Variants in ASGR1 observed in about 807,000 individuals in gnomAD.
ASGR1 encodes C-type lectin domain family 4 member H1.
Under a neutral mutation model 33.1 loss-of-function variants are expected in ASGR1, and 35 were observed. That is an observed-to-expected ratio of 1.06 (90% CI 0.81 to 1.40). The LOEUF is 1.40. Among genes scored for constraint, ASGR1 ranks in the 40% most tolerant of loss-of-function variants. The pLI is 0.00. For synonymous variants in ASGR1, 142 were observed against 152.5 expected (o/e 0.93, Z 0.51); for missense variants, 396 against 373.7 (o/e 1.06, Z -0.49).
At chr17:7,176,650 A>G in intron 5 of ASGR1, 180 bp downstream of exon 5, 1 of 773,682 alleles carries the variant, frequency 1.3e-6, no homozygotes. Flanking sequence ...ACATCCACAC[A>G]AGGCTCTCAT....
chr17:7,176,833 C>T lies in ASGR1; in HGVS notation c.352G>A (p.Glu118Lys), dbSNP rs1169494948. The stretch of plus-strand genomic sequence containing the variant: ...ACACACACACTCCCTCTCTGACCTT[C>T]ACTCAGGTCCTTCTGCTGTTTCTCC... ...QLEKQQKDLS[E>K]DHSSLLLHVK... The change falls in exon 5 of 9, where the codon GAA (glutamate) becomes AAA (lysine). Residue 118 changes from glutamate (E) to lysine (K), a missense_variant. Coordinates refer to ENST00000269299, the MANE Select transcript of ASGR1 (RefSeq NM_001671.5). 9 of 1,612,596 alleles carry T rather than the reference C, an allele frequency of 5.6e-6. No homozygotes were observed. Among genetic ancestry groups the T allele is most frequent in the Non-Finnish European group, 7.6e-6 (9 of 1,179,984 alleles).
chr17:7,176,787 C>G (rs199798005), intron 5 of ASGR1, 43 bp downstream of exon 5: 101 of 1,580,034 alleles, frequency 6.4e-5, no homozygotes, highest in Non-Finnish European at 8.2e-5. Flanking sequence ...CATTCTCACT[C>G]TCTTTCACAC....
At chr17:7,176,745 C>A in intron 5 of ASGR1, 85 bp downstream of exon 5, 1 of 1,560,750 alleles carries the variant, frequency 6.4e-7, no homozygotes, top group Non-Finnish European at 8.7e-7. Flanking sequence ...CACACATCCA[C>A]ACACACTCAC....
intron 5 of ASGR1, chr17:7,176,522 C>CTG: frequency 2.1e-6 from 1 of 477,726 alleles, no homozygotes; most frequent in African/African-American, 2.7e-5. Context: ...CACCCCCTCT[C>CTG]ATTCCCACAC....
intron 2 of ASGR1, chr17:7,178,183 C>A (rs1244036065): frequency 5.0e-6 from 2 of 399,904 alleles, no homozygotes; most frequent in Admixed American, 3.5e-5. Context: ...GAAGAGGGGG[C>A]GTGACTTCGT....
At chr17:7,178,337 T>C (rs1359492064) in intron 2 of ASGR1, 157 bp downstream of exon 2, 2 of 784,876 alleles carry the variant, frequency 2.5e-6, no homozygotes, top group East Asian at 2.5e-5. Flanking sequence ...TCCGCCCCTC[T>C]CCTGAGAGAG....
At chr17:7,175,273 A>G (rs920833879) in intron 5 of ASGR1, among the ~76,000 whole-genome samples, 2 of 146,154 alleles carry the variant, frequency 1.4e-5, no homozygotes, top group African/African-American at 2.6e-5. Flanking sequence ...ACACACACGG[A>G]ACACACCCTA....
At chr17:7,176,474 C>G in intron 5 of ASGR1, 1 of 407,664 alleles carries the variant, frequency 2.5e-6, no homozygotes, top group Non-Finnish European at 4.5e-6. Flanking sequence ...CACAGACTGT[C>G]TCACACACAC....
At chr17:7,175,090 GACAACACACAAAACACACAAACAC>G (rs1279824138) in intron 5 of ASGR1, among the ~76,000 whole-genome samples, 1 of 118,592 alleles carries the variant, frequency 8.4e-6, no homozygotes, top group Non-Finnish European at 1.7e-5. Flanking sequence ...CACATACACA[GACAACACACAAAACACACAAACAC>G]ACAACACACC....
chr17:7,173,931 G>A lies in ASGR1; in HGVS notation c.701+30C>T, dbSNP rs776470584. ...GGGCCCCAGGGCGCGAAGGCGGCCG[G>A]ACCCAGGCCGAGGGAGGGCGCGCAC... On this transcript the variant is annotated intron_variant, in intron 8 of 8. Coordinates refer to ENST00000269299, the MANE Select transcript of ASGR1 (RefSeq NM_001671.5). This position sits in a 1 kb window ranked among gnomAD's most constrained non-coding sequence, Gnocchi z 4.7. 2 of 1,613,334 alleles carry A rather than the reference G, an allele frequency of 1.2e-6. No homozygotes were observed. The highest frequency in any genetic ancestry group is 1.3e-5 in the African/African-American group (1 of 74,938).
chr17:7,177,958 C>A (rs1239187402), intron 2 of ASGR1: 9 of 162,822 alleles, frequency 5.5e-5, no homozygotes, highest in East Asian at 3.5e-4. Context: ...CTAAACAATT[C>A]CCTGCTCGGA....
At chr17:7,176,005 TAA>T (rs1179066628) in intron 5 of ASGR1, among the ~76,000 whole-genome samples, 3 of 134,144 alleles carry the variant, frequency 2.2e-5, no homozygotes, top group African/African-American at 9.9e-5. Flanking sequence ...TTCTCACACA[TAA>T]ACACAGACTC....
Position 7,174,272 on chromosome 17 carries a change from A to G in ASGR1, c.460T>C (p.Cys154Arg). 6.2e-7 allele frequency: 1 copy of G among 1,614,070 alleles called. No individual in the cohort carries two copies. Among genetic ancestry groups the G allele is most frequent in the Non-Finnish European group, 8.5e-7 (1 of 1,179,958 alleles). ...TCGTGCTCCACCCAGTTGACCGGGC[A>G]GCAGGTCCTTTCTGAGCCTGAGCGG... ...LQGNGSERTC[C>R]PVNWVEHERS... is the part of the protein sequence containing the mutation. Residue 154 changes from cysteine (C) to arginine (R), a missense_variant, in exon 7 of 9, where the codon TGC becomes CGC. Physicochemically the swap from Cys to Arg is radical, Grantham distance 180. Coordinates refer to ENST00000269299, the MANE Select transcript of ASGR1 (RefSeq NM_001671.5).
intron 5 of ASGR1, among the ~76,000 whole-genome samples, chr17:7,175,270 C>G (rs1046147183): frequency 1.3e-5 from 2 of 148,572 alleles, no homozygotes; most frequent in Non-Finnish European, 3.0e-5. Flanking sequence ...CACACACACA[C>G]GGAACACACC....
At chr17:7,178,270 G>A in intron 2 of ASGR1, 1 of 563,332 alleles carries the variant, frequency 1.8e-6, no homozygotes, top group East Asian at 2.9e-5. Context: ...CCGAGGGCCA[G>A]GAGGCACAGG....
At position 7,175,816 on chromosome 17, in the gene ASGR1, GACAC is replaced by G. The variant is rs748217657; in HGVS notation, c.355+1010_355+1013del. 3.9e-5 allele frequency among the ~76,000 whole-genome samples: 5 copies of G among 128,860 alleles called. No homozygotes were observed. The South Asian group carries it at 7.8e-4, about 20-fold the overall frequency. The allele number at this position is 128,860 out of a possible 152,430, so 84.5% of individuals were successfully genotyped here. A position where few individuals can be genotyped will look rare whatever the true frequency, so the allele number is the denominator to read the frequency against. ...ACACACACTCCCTCTCATTCTCACAGACACACACTCAGACACACACACCCATCTC... is the reference window on the plus strand; with the variant it reads ...ACACACACTCCCTCTCATTCTCACAGACACTCAGACACACACACCCATCTC... On this transcript the variant is annotated intron_variant, in intron 5 of 8. Transcript: ENST00000269299.
At chr17:7,176,666 C>T (rs2069216301) in intron 5 of ASGR1, 164 bp downstream of exon 5, 2 of 1,002,302 alleles carry the variant, frequency 2.0e-6, no homozygotes, top group Non-Finnish European at 2.9e-6. Context: ...CTCATACACA[C>T]ACCCAAAACA....
chr17:7,177,516 G>C (rs1447791464), intron 2 of ASGR1, 190 bp from the exon 3 acceptor site: 1 of 580,514 alleles, frequency 1.7e-6, no homozygotes, highest in Non-Finnish European at 3.1e-6. Context: ...AGAGGGCTGG[G>C]GAAGGGGGCT....
Position 7,173,720 on chromosome 17 carries a change from G to A in ASGR1, c.815C>T (p.Pro272Leu), listed in dbSNP as rs371144827. 1.9e-6 allele frequency: 3 copies of A among 1,613,772 alleles called. No individual in the cohort carries two copies. The highest frequency in any genetic ancestry group is 2.7e-5 in the African/African-American group (2 of 74,942). Reference protein sequence around the residue: ...GRWNDDVCQRPYRWVCETELD... With the variant: ...GRWNDDVCQRLYRWVCETELD... ...CTCTGTCTCGCAGACCCAGCGGTAG[G>A]GCCTCTGGCAGACGTCGTCGTTCCA... Residue 272 changes from proline (P) to leucine (L), a missense_variant, in exon 9 of 9, where the codon CCC becomes CTC. Coordinates refer to ENST00000269299, the MANE Select transcript of ASGR1 (RefSeq NM_001671.5). This position sits in a 1 kb window ranked among gnomAD's most constrained non-coding sequence, Gnocchi z 4.7.
Sources: allele counts gnomAD v4.1 joint callset (sites outside exome capture counted in the v4.1 genomes callset), GRCh38; gene constraint gnomAD v4.1.1; non-coding constraint Gnocchi (gnomAD v3.1); transcripts MANE v1.5; gene names NCBI Gene and HGNC (gene_info 2026-07-23, HGNC 2026-07-21).